KDM6B: variants seen among roughly 807,000 people sequenced by gnomAD.
The protein encoded by KDM6B is lysine demethylase 6B.
In KDM6B, 22 loss-of-function variants were observed where a neutral mutation model predicts 150.4. The ratio of observed to expected loss-of-function variants is 0.15; its 90% CI spans 0.10 to 0.21. KDM6B has a LOEUF of 0.21. KDM6B is among the 10% of genes least tolerant of loss of function. The pLI, the probability that KDM6B is intolerant of heterozygous loss-of-function variation, is 1.00. For synonymous variants in KDM6B, 1,148 were observed against 921.1 expected, an observed-to-expected ratio of 1.25 and a Z score of -4.46; for missense variants, 1,984 against 2,234.3, an observed-to-expected ratio of 0.89 and a Z score of 2.26.
rs2078643188 is a variant in KDM6B, at chr17:7,849,379, C to G, written c.3091C>G (p.Arg1031Gly). The part of the protein sequence containing the change: ...LDLQSEEIQG[R>G]EKSRPDLGGA... ...CCTGCAGAGCGAGGAGATCCAGGGT[C>G]GTGAGAAGTCCCGGCCCGATCTTGG... The change falls in exon 12 of 24, where the codon CGT becomes GGT. Residue 1031 changes from arginine (R) to glycine (G), a missense_variant. Transcript: ENST00000448097. The G allele has an allele frequency of 6.2e-7, 1 of 1,608,496 alleles. No homozygotes were observed. The highest frequency in any genetic ancestry group is 8.5e-7 in the Non-Finnish European group (1 of 1,178,242).
In KDM6B at chr17:7,851,413, C is replaced by A; in HGVS notation, c.3944+19C>A. On this transcript the variant is annotated intron_variant, in intron 16 of 23. Transcript: ENST00000448097. ...CTCCTAGGTACTGTGCAGGTGTGCC[C>A]CTTCTGTTCCTGCTTCCTTCCCCTC... 6.2e-7 allele frequency: 1 copy of A among 1,614,140 alleles called. No homozygotes were observed. The highest frequency in any genetic ancestry group is 8.5e-7 in the Non-Finnish European group (1 of 1,179,986).
chr17:7,844,177 C>G lies in KDM6B; in HGVS notation c.-268-724C>G, dbSNP rs2078481176. 6.6e-6 allele frequency: 1 copy of G among 151,976 alleles called. No individual in the cohort carries two copies. Among genetic ancestry groups the G allele is most frequent in the African/African-American group, 2.4e-5 (1 of 41,364 alleles). The allele number at this position is 151,976 out of a possible 1,614,324, so 9.4% of individuals were successfully genotyped here. ...GGGGGCCACGTGGGCCGTGGGGAAC[C>G]GCGTGGCCCCGGCGGGGAAGGGCAG... On this transcript the variant is annotated intron_variant, in intron 2 of 23. Coordinates refer to ENST00000448097, the MANE Select transcript of KDM6B (RefSeq NM_001348716.2). The surrounding 1 kb of genome is among the most constrained non-coding windows in gnomAD (Gnocchi z 5.9).
intron 1 of KDM6B, among the ~76,000 whole-genome samples, chr17:7,834,991 G>T (rs1287957108): frequency 6.6e-6 from 1 of 150,574 alleles, no homozygotes; most frequent in Non-Finnish European, 1.5e-5. Context: ...TTCTCGGTGC[G>T]GAGCCTTCCC....
intron 1 of KDM6B, among the ~76,000 whole-genome samples, chr17:7,838,890 C>T (rs1475368187): frequency 6.6e-6 from 1 of 152,068 alleles, no homozygotes; most frequent in Non-Finnish European, 1.5e-5. Flanking sequence ...CTTGGTGGGT[C>T]ACAAATAGCA....
rs567994487 is a variant in KDM6B at position 7,848,955 on chromosome 17, C to T, written c.2667C>T (p.Val889=). The T allele has an allele frequency of 4.8e-5, 76 of 1,586,532 alleles. No homozygotes were observed. The highest frequency in any genetic ancestry group is 5.8e-5 in the Non-Finnish European group (68 of 1,166,140). Residue 889 remains valine (V), a synonymous_variant, in exon 12 of 24, where the codon GTC becomes GTT. Transcript: ENST00000448097. The part of the protein sequence containing the change: ...ARERRAGEEP[V]PGPMTPTQPP... ...AGCGCAGGGCGGGCGAAGAGCCAGT[C>T]CCGGGCCCCATGACCCCCACCCAAC...
chr17:7,851,914 C>T (rs373090672), intron 18 of KDM6B, 37 bp from the exon 19 acceptor site: 1 of 1,609,112 alleles, frequency 6.2e-7, no homozygotes, highest in Non-Finnish European at 8.5e-7. Context: ...GCAGTTCCGA[C>T]CTGGCCAGCC....
Position 7,847,191 on chromosome 17 carries a change from T to C in KDM6B, c.996T>C (p.Ala332=). 1 of 1,599,564 alleles carries C rather than the reference T, an allele frequency of 6.3e-7. No homozygotes were observed. The highest frequency in any genetic ancestry group is 8.5e-7 in the Non-Finnish European group (1 of 1,177,288). ...CCCCTGGCCACCGGCTGGTCCCGGC[T>C]GCTCCCCCAGGCCCAGGCCCCCGCC... ...AHPPGHRLVP[A]APPGPGPRPP... The change falls in exon 11 of 24, where the codon GCT becomes GCC. Residue 332 remains alanine, a synonymous_variant. Transcript: ENST00000448097.
Position 7,842,965 on chromosome 17 carries a change from A to T in KDM6B, c.-268-1936A>T, listed in dbSNP as rs530805815. Reference sequence around the variant, plus strand: ...AATGAGTGTGTGTTTAGTGTACAGGAAGTTTTGTCTTCAAGTGAGGGCTTT... The same window carrying T: ...AATGAGTGTGTGTTTAGTGTACAGGTAGTTTTGTCTTCAAGTGAGGGCTTT... On this transcript the variant is annotated intron_variant, in intron 2 of 23. Coordinates refer to ENST00000448097, the MANE Select transcript of KDM6B (RefSeq NM_001348716.2). 2.0e-5 allele frequency among the ~76,000 whole-genome samples: 3 copies of T among 151,890 alleles called. No individual in the cohort carries two copies. In the South Asian group the frequency reaches 6.2e-4, roughly 32 times the overall value.
intron 1 of KDM6B, among the ~76,000 whole-genome samples, chr17:7,836,181 T>G (rs1349950030): frequency 5.3e-5 from 8 of 152,206 alleles, no homozygotes; most frequent in African/African-American, 1.4e-4. Context: ...ACGGCCCAGG[T>G]GATTCTTCTG....
chr17:7,839,182 A>G (rs1162126292), intron 1 of KDM6B, among the ~76,000 whole-genome samples: 2 of 152,164 alleles, frequency 1.3e-5, no homozygotes, highest in Non-Finnish European at 2.9e-5. Context: ...CCTTGGACTT[A>G]TGCTAAAAGA....
chr17:7,854,022 T>C lies in KDM6B; in HGVS notation c.*501T>C, dbSNP rs186639406. On this transcript the variant is annotated 3_prime_UTR_variant, in exon 24 of 24. Coordinates refer to ENST00000448097, the MANE Select transcript of KDM6B (RefSeq NM_001348716.2). Reference sequence around the variant, plus strand: ...AGCTGTGACCCCTGTACATGTCTCTTTATTCACTTGGTTATGATTTGTATT... The same window carrying C: ...AGCTGTGACCCCTGTACATGTCTCTCTATTCACTTGGTTATGATTTGTATT... 867 of 153,536 alleles carry C rather than the reference T, an allele frequency of 5.6e-3. 4 individuals carry two copies. Among genetic ancestry groups the C allele is most frequent in the Non-Finnish European group, 8.8e-3 (603 of 68,630 alleles). 9.5% of individuals were successfully genotyped at this position (153,536 alleles called of 1,614,324 possible).
In KDM6B at chr17:7,849,570, A is replaced by G. The variant is rs539166195; in HGVS notation, c.3282A>G (p.Ser1094=). Residue 1094 remains serine, a synonymous_variant, in exon 12 of 24, where the codon TCA becomes TCG. Transcript: ENST00000448097. The part of the protein sequence containing the change: ...VSRADMLKLR[S]LSEGPPKELK... ...GGGCCGACATGCTGAAGCTGCGCTC[A>G]CTTAGTGAGGGGCCCCCCAAGGAGC... 1.1e-5 allele frequency: 17 copies of G among 1,612,774 alleles called. No individual in the cohort carries two copies. Among genetic ancestry groups the G allele is most frequent in the Non-Finnish European group, 1.4e-5 (17 of 1,179,978 alleles).
At position 7,847,585 on chromosome 17, in the gene KDM6B, T is replaced by C. The variant is rs138395797; in HGVS notation, c.1297T>C (p.Ser433Pro). Residue 433 changes from serine (S) to proline (P), a missense_variant, in exon 12 of 24, where the codon TCT (serine) becomes CCT (proline). Ser to Pro is a moderately conservative substitution (Grantham distance 74). Coordinates refer to ENST00000448097, the MANE Select transcript of KDM6B (RefSeq NM_001348716.2). The part of the protein sequence containing the change: ...DHYQTPALEV[S>P]HHGRLGPSAH... ...TTACCAAACTCCCGCGCTGGAGGTC[T>C]CTCACCATGGCCGCCTGGGGCCCTC... 4.9e-3 allele frequency: 7,955 copies of C among 1,612,648 alleles called. 607 individuals carry two copies. The Admixed American group carries it at 0.12, about 25-fold the overall frequency.
At chr17:7,849,978 C>A (rs765741901) in intron 13 of KDM6B, 31 bp downstream of exon 13, 1 of 1,613,590 alleles carries the variant, frequency 6.2e-7, no homozygotes, top group South Asian at 1.1e-5. Flanking sequence ...CAGAACCACC[C>A]CTGCCAGAGG....
intron 1 of KDM6B, among the ~76,000 whole-genome samples, chr17:7,834,683 G>A (rs2078296145): frequency 6.6e-6 from 1 of 151,308 alleles, no homozygotes; most frequent in Non-Finnish European, 1.5e-5. Context: ...GGACTAAAGG[G>A]CAGAGTTTGC....
At position 7,847,355 on chromosome 17, in the gene KDM6B, C is replaced by G; in HGVS notation, c.1160C>G (p.Pro387Arg). 6.2e-7 allele frequency: 1 copy of G among 1,612,372 alleles called. No individual in the cohort carries two copies. The highest frequency in any genetic ancestry group is 1.7e-5 in the Admixed American group (1 of 60,026). ...AATTACVPYA[P>R]SRPPGLPGTT... ...ACCACCGCCTGCGTGCCTTACGCCC[C>G]TTCCCGGCCCCCTGGCCTCCCCGGC... Residue 387 changes from proline to arginine, a missense_variant, in exon 11 of 24, where the codon CCT (proline) becomes CGT (arginine). Around this residue, in one of 13 missense-constraint regions of KDM6B, gnomAD observed 1,379 missense variants for 1,275.6 expected, o/e 1.08. Coordinates refer to ENST00000448097, the MANE Select transcript of KDM6B (RefSeq NM_001348716.2).
At position 7,845,587 on chromosome 17, in the gene KDM6B, C is replaced by A; in HGVS notation, c.33C>A (p.Arg11=). The A allele has an allele frequency of 6.2e-7, 1 of 1,614,132 alleles. No homozygotes were observed. Among genetic ancestry groups the A allele is most frequent in the Non-Finnish European group, 8.5e-7 (1 of 1,180,024 alleles). ...GGGCAGTGGACCCTCCAGGGGCCCGCGCTGCACGGGAAGCCTTTGCCCTTG... is the reference window on the plus strand; with the variant it reads ...GGGCAGTGGACCCTCCAGGGGCCCGAGCTGCACGGGAAGCCTTTGCCCTTG... The part of the protein sequence containing the change: MHRAVDPPGA[R]AAREAFALGG... The change falls in exon 5 of 24, where the codon CGC becomes CGA. Residue 11 remains arginine, a synonymous_variant. Transcript: ENST00000448097.
chr17:7,852,017 T>A lies in KDM6B; in HGVS notation c.4232T>A (p.Phe1411Tyr), dbSNP rs779992127. ...ATTGGCCCAGGCGACTGCGAGTGGT[T>A]CGCGGTGCACGAGCACTACTGGGAG... ...INIGPGDCEWFAVHEHYWETI... is the reference protein window; with the variant it reads ...INIGPGDCEWYAVHEHYWETI... The change falls in exon 19 of 24, where the codon TTC becomes TAC. Residue 1411 changes from phenylalanine (F) to tyrosine (Y), a missense_variant. Around this residue, in one of 13 missense-constraint regions of KDM6B, gnomAD observed 31 missense variants for 120.3 expected, o/e 0.26. Coordinates refer to ENST00000448097, the MANE Select transcript of KDM6B (RefSeq NM_001348716.2). The A allele has an allele frequency of 3.7e-6, 6 of 1,614,114 alleles. No homozygotes were observed. Among genetic ancestry groups the A allele is most frequent in the Non-Finnish European group, 5.1e-6 (6 of 1,180,030 alleles).
chr17:7,841,541 CACAG>C (rs956829710), intron 2 of KDM6B, among the ~76,000 whole-genome samples: 2 of 152,202 alleles, frequency 1.3e-5, no homozygotes, highest in African/African-American at 2.4e-5. Flanking sequence ...TAGGCAGACA[CACAG>C]ACAGAGACAG....
Sources: allele counts gnomAD v4.1 joint callset (sites outside exome capture counted in the v4.1 genomes callset), GRCh38; gene constraint gnomAD v4.1.1; regional missense constraint gnomAD v4.1.1; non-coding constraint Gnocchi (gnomAD v3.1); transcripts MANE v1.5; gene names NCBI Gene and HGNC (gene_info 2026-07-23, HGNC 2026-07-21).